The following GRAMD1B variants were observed in gnomAD, a reference collection of about 807,000 sequenced individuals.
GRAMD1B encodes the protein protein Aster-B.
Under a neutral mutation model 99.7 loss-of-function variants are expected in GRAMD1B, and 37 were observed. The observed-to-expected ratio is 0.37, with a 90% CI of 0.29 to 0.49. The LOEUF (loss-of-function observed/expected upper bound fraction) is 0.49. Among genes scored for constraint, GRAMD1B ranks in the 20% least tolerant of loss-of-function variants. The probability of loss-of-function intolerance (pLI) is 0.98; values close to 1 mark genes in which losing one functional copy is unlikely to be tolerated. For missense variants in GRAMD1B, 888 were observed against 1,009.2 expected (o/e 0.88, Z 1.63); for synonymous variants, 427 against 387.6 (o/e 1.10, Z -1.19).
intron 2 of GRAMD1B, among the ~76,000 whole-genome samples, chr11:123,511,952 C>T (rs965783045): frequency 1.3e-5 from 2 of 152,248 alleles, no homozygotes; most frequent in African/African-American, 4.8e-5. Context: ...TTACACACAT[C>T]TGTTGTTTTA....
At chr11:123,444,858 T>C (rs1490780701) in intron 1 of GRAMD1B, among the ~76,000 whole-genome samples, 2 of 152,196 alleles carry the variant, frequency 1.3e-5, no homozygotes, top group East Asian at 3.9e-4. Flanking sequence ...CCTGGAAGTT[T>C]GTAGGTGGAG....
chr11:123,457,073 C>G (rs896805374), intron 1 of GRAMD1B, among the ~76,000 whole-genome samples: 2 of 105,020 alleles, frequency 1.9e-5, no homozygotes, highest in African/African-American at 7.2e-5. Context: ...GATGGCACCA[C>G]TGCACTCTAA....
chr11:123,445,125 G>T (rs1305705907), intron 1 of GRAMD1B, among the ~76,000 whole-genome samples: 1 of 152,196 alleles, frequency 6.6e-6, no homozygotes, highest in Non-Finnish European at 1.5e-5. Flanking sequence ...TGTGAAATAA[G>T]GAGGAAGGTA....
At chr11:123,509,462 C>A (rs554409823) in intron 2 of GRAMD1B, among the ~76,000 whole-genome samples, 1 of 152,290 alleles carries the variant, frequency 6.6e-6, no homozygotes, top group African/African-American at 2.4e-5. Flanking sequence ...GGAGAAATAT[C>A]TTTAAATATT....
upstream of GRAMD1B, chr11:123,430,247 C>G (rs1393187692): frequency 7.9e-6 from 1 of 127,162 alleles, no homozygotes; most frequent in Admixed American, 8.3e-5. Flanking sequence ...TGTTTTTATC[C>G]AGTGTCTCGC....
rs185061944 is a variant in GRAMD1B at position 123,434,179 on chromosome 11, G to A, written c.374+3013G>A. On this transcript the variant is annotated intron_variant, in intron 1 of 19. Coordinates refer to ENST00000635736, the MANE Select transcript of GRAMD1B (RefSeq NM_001387025.1). ...TAGGAGGTGGAGGTTGCAGTGAGCC[G>A]AGATCTCGCCACTGCACTCCAGCCT... Among the ~76,000 whole-genome samples the A allele has an allele frequency of 1.3e-4, 17 of 134,378 alleles. No homozygotes were observed. The East Asian group carries it at 2.2e-3, about 18-fold the overall frequency. 88.2% of individuals were successfully genotyped at this position (134,378 alleles called of 152,430 possible).
chr11:123,613,125 C>T (rs1349404446), intron 15 of GRAMD1B: 8 of 557,760 alleles, frequency 1.4e-5, no homozygotes, highest in African/African-American at 5.6e-5. Context: ...CAAAAGGAAC[C>T]ACAGACCTAG....
At chr11:123,437,205 C>G (rs7111922) in intron 1 of GRAMD1B, among the ~76,000 whole-genome samples, 1 of 152,118 alleles carries the variant, frequency 6.6e-6, no homozygotes, top group Non-Finnish European at 1.5e-5. Context: ...CAGGGAATAG[C>G]GTAGCCTGCA....
intron 1 of GRAMD1B, among the ~76,000 whole-genome samples, chr11:123,371,723 C>A (rs1180233871): frequency 6.6e-6 from 1 of 152,234 alleles, no homozygotes; most frequent in Non-Finnish European, 1.5e-5. Flanking sequence ...AAGGATCTTT[C>A]TGTCATGCAG....
At chr11:123,586,548 C>A (rs751116860) in intron 4 of GRAMD1B, among the ~76,000 whole-genome samples, 1 of 152,198 alleles carries the variant, frequency 6.6e-6, no homozygotes, top group Non-Finnish European at 1.5e-5. Flanking sequence ...GGTCCGCCCT[C>A]GGGTGACAGG....
At chr11:123,559,812 C>G (rs936377264) in intron 2 of GRAMD1B, 11 of 386,506 alleles carry the variant, frequency 2.8e-5, no homozygotes, top group Admixed American at 6.4e-5. Context: ...TCTTTTCTTG[C>G]GGATTATGGT....
intron 1 of GRAMD1B, among the ~76,000 whole-genome samples, chr11:123,420,330 A>G (rs1023383495): frequency 3.9e-5 from 6 of 152,226 alleles, no homozygotes; most frequent in African/African-American, 1.2e-4. Flanking sequence ...ATCTACAGGT[A>G]GACTTCTTAA....
intron 1 of GRAMD1B, among the ~76,000 whole-genome samples, chr11:123,416,661 G>A (rs1214243406): frequency 6.6e-6 from 1 of 152,178 alleles, no homozygotes; most frequent in Non-Finnish European, 1.5e-5. Flanking sequence ...AGTGCCCTAT[G>A]GTGGCTGTGT....
chr11:123,469,065 A>G (rs994832624), intron 1 of GRAMD1B, among the ~76,000 whole-genome samples: 2 of 151,982 alleles, frequency 1.3e-5, no homozygotes, highest in African/African-American at 4.8e-5. Context: ...AGCTGGGACA[A>G]AGAAGGGTGA....
chr11:123,610,243 C>T lies in GRAMD1B; in HGVS notation c.1824C>T (p.Ala608=), dbSNP rs1447405939. Residue 608 remains alanine, a synonymous_variant, in exon 14 of 20, where the codon GCC becomes GCT. Coordinates refer to ENST00000635736, the MANE Select transcript of GRAMD1B (RefSeq NM_001387025.1). The surrounding 1 kb of genome is among the most constrained non-coding windows in gnomAD (Gnocchi z 4.1). The part of the protein sequence containing the change: ...SQESECYVID[A]EVLTHDVPYH... The stretch of plus-strand genomic sequence containing the variant: ...AGAGTGAATGTTACGTGATAGATGC[C>T]GAAGTCCTCACCCACGACGTGCCCT... 14 of 1,613,534 alleles carry T rather than the reference C, an allele frequency of 8.7e-6. No homozygotes were observed. Among genetic ancestry groups the T allele is most frequent in the East Asian group, 4.5e-5 (2 of 44,884 alleles).
intron 2 of GRAMD1B, among the ~76,000 whole-genome samples, chr11:123,502,850 T>A (rs925580350): frequency 2.0e-5 from 3 of 152,066 alleles, no homozygotes; most frequent in African/African-American, 7.2e-5. Flanking sequence ...TATCATAGTT[T>A]AGCCTGGCCT....
chr11:123,465,286 G>A (rs139044211), intron 1 of GRAMD1B, among the ~76,000 whole-genome samples: 8 of 152,308 alleles, frequency 5.3e-5, no homozygotes, highest in African/African-American at 1.9e-4. Context: ...GCTCCTTAGA[G>A]AGAGGAGTTC....
At chr11:123,409,534 A>G (rs1390897396) in intron 1 of GRAMD1B, among the ~76,000 whole-genome samples, 1 of 152,082 alleles carries the variant, frequency 6.6e-6, no homozygotes, top group Admixed American at 6.6e-5. Flanking sequence ...TTGAAGCCCA[A>G]ACAGAAGTTT....
chr11:123,560,075 C>G (rs369549406), intron 2 of GRAMD1B, among the ~76,000 whole-genome samples: 17 of 142,152 alleles, frequency 1.2e-4, no homozygotes, highest in Admixed American at 2.1e-4. Flanking sequence ...ACCCCCCCCC[C>G]CGCAGCCCCA....
Sources: allele counts gnomAD v4.1 joint callset (sites outside exome capture counted in the v4.1 genomes callset), GRCh38; gene constraint gnomAD v4.1.1; non-coding constraint Gnocchi (gnomAD v3.1); transcripts MANE v1.5; gene names NCBI Gene and HGNC (gene_info 2026-07-23, HGNC 2026-07-21).